The following TNS3 variants were observed in gnomAD, a reference collection of about 807,000 sequenced individuals.
The protein encoded by TNS3 is tensin-3.
TNS3 carries 45 observed loss-of-function variants against 140.9 expected under a neutral mutation model. That is an observed-to-expected ratio of 0.32 (90% CI 0.25 to 0.41). TNS3 has a LOEUF of 0.41. Among genes scored for constraint, TNS3 ranks in the 10% least tolerant of loss-of-function variants. The pLI, the probability that TNS3 is intolerant of heterozygous loss-of-function variation, is 1.00. For missense variants in TNS3, 1,716 were observed against 1,906.7 expected, an observed-to-expected ratio of 0.90 and a Z score of 1.86; for synonymous variants, 815 against 788.4, an observed-to-expected ratio of 1.03 and a Z score of -0.56.
At chr7:47,344,898 T>G (rs376912260) in intron 19 of TNS3, 26 bp downstream of exon 19, 35 of 1,613,518 alleles carry the variant, frequency 2.2e-5, no homozygotes, top group Non-Finnish European at 2.3e-5. Flanking sequence ...GAGCAGCACA[T>G]GCAGCTAGTG....
At chr7:47,380,297 T>G (rs1288960841) in intron 16 of TNS3, among the ~76,000 whole-genome samples, 1 of 152,230 alleles carries the variant, frequency 6.6e-6, no homozygotes, top group East Asian at 1.9e-4. Context: ...GGCCTCTGAC[T>G]GGGCAGCTCA....
chr7:47,479,050 G>A (rs1014255167), intron 4 of TNS3, among the ~76,000 whole-genome samples: 47 of 152,286 alleles, frequency 3.1e-4, no homozygotes, highest in African/African-American at 9.4e-4. Flanking sequence ...CAGGGAGGCC[G>A]TGTCCTGACG....
chr7:47,533,755 A>C (rs555702746), intron 1 of TNS3, among the ~76,000 whole-genome samples: 2 of 152,210 alleles, frequency 1.3e-5, no homozygotes, highest in South Asian at 4.2e-4. Context: ...ATAATGAATA[A>C]TTATCATGAG....
chr7:47,438,878 C>T (rs1438116040), intron 6 of TNS3, among the ~76,000 whole-genome samples: 1 of 152,120 alleles, frequency 6.6e-6, no homozygotes, highest in Non-Finnish European at 1.5e-5. Context: ...TCATTCAATC[C>T]CATTAGTGAC....
chr7:47,334,795 G>A (rs578043038), intron 20 of TNS3, among the ~76,000 whole-genome samples: 2 of 151,954 alleles, frequency 1.3e-5, no homozygotes, highest in Non-Finnish European at 2.9e-5. Context: ...TTTTAGTAGA[G>A]ACAGGGTTTC....
chr7:47,325,568 G>A (rs1057261041), intron 20 of TNS3, among the ~76,000 whole-genome samples: 5 of 152,176 alleles, frequency 3.3e-5, no homozygotes, highest in East Asian at 1.9e-4. Context: ...GCAATGGGAC[G>A]GAGCAAGAAG....
chr7:47,285,681 G>A (rs1384444851), intron 27 of TNS3, among the ~76,000 whole-genome samples: 1 of 152,222 alleles, frequency 6.6e-6, no homozygotes, highest in Non-Finnish European at 1.5e-5. Flanking sequence ...GATATGAAAT[G>A]CCTAGAAGTA....
At chr7:47,410,058 G>A (rs553577937) in intron 13 of TNS3, among the ~76,000 whole-genome samples, 39 of 152,260 alleles carry the variant, frequency 2.6e-4, no homozygotes, top group Non-Finnish European at 3.7e-4. Flanking sequence ...CAGGCCCTTC[G>A]TCCAACGATC....
intron 1 of TNS3, among the ~76,000 whole-genome samples, chr7:47,547,538 C>T (rs1400162531): frequency 6.6e-6 from 1 of 152,084 alleles, no homozygotes; most frequent in Non-Finnish European, 1.5e-5. Context: ...CTGTTAGTCA[C>T]CAGCACAAGG....
chr7:47,554,747 C>T (rs1263290434), intron 1 of TNS3, among the ~76,000 whole-genome samples: 1 of 152,080 alleles, frequency 6.6e-6, no homozygotes, highest in African/African-American at 2.4e-5. Flanking sequence ...AAGATGGAAT[C>T]GGGCCGAGCA....
chr7:47,295,611 C>T (rs997698417), intron 24 of TNS3, among the ~76,000 whole-genome samples: 20 of 152,190 alleles, frequency 1.3e-4, no homozygotes, highest in South Asian at 2.1e-4. Flanking sequence ...CCCTACACAA[C>T]GCCTTCTCTC....
chr7:47,506,378 C>T (rs1317539700), intron 3 of TNS3, among the ~76,000 whole-genome samples: 1 of 152,188 alleles, frequency 6.6e-6, no homozygotes, highest in African/African-American at 2.4e-5. Flanking sequence ...GCCAGGCCTC[C>T]TTTGGTCATA....
chr7:47,292,723 C>G (rs1785780250), intron 26 of TNS3, 105 bp downstream of exon 26: 1 of 1,038,964 alleles, frequency 9.6e-7, no homozygotes, highest in African/African-American at 1.6e-5. Context: ...GAAAAAACTT[C>G]CAGTCTTATT....
chr7:47,507,885 G>A (rs1279567811), intron 2 of TNS3, among the ~76,000 whole-genome samples: 1 of 152,132 alleles, frequency 6.6e-6, no homozygotes, highest in Non-Finnish European at 1.5e-5. Context: ...ACCTGGGTTG[G>A]GGAACAGTGA....
intron 4 of TNS3, among the ~76,000 whole-genome samples, chr7:47,444,237 G>C (rs1241645546): frequency 1.3e-5 from 2 of 152,204 alleles, no homozygotes; most frequent in Non-Finnish European, 2.9e-5. Flanking sequence ...GAACCCACCA[G>C]GATCTGACTA....
intron 1 of TNS3, among the ~76,000 whole-genome samples, chr7:47,553,164 G>A (rs10258660): frequency 0.99 from 150,635 of 152,362 alleles, 74,496 homozygotes; most frequent in Non-Finnish European, 1. Flanking sequence ...TAAACAAGCC[G>A]TCTCCATAAC....
intron 17 of TNS3, among the ~76,000 whole-genome samples, chr7:47,356,842 T>G (rs1790019786): frequency 6.6e-6 from 1 of 151,326 alleles, no homozygotes; most frequent in Admixed American, 6.6e-5. Flanking sequence ...TTTGAGAGAC[T>G]GAGGAGGGTG....
intron 17 of TNS3, among the ~76,000 whole-genome samples, chr7:47,348,657 TTA>T (rs1439354168): frequency 5.3e-5 from 8 of 152,236 alleles, no homozygotes; most frequent in Non-Finnish European, 1.2e-4. Flanking sequence ...TGTACAATTA[TTA>T]TGTCTCAACT....
intron 20 of TNS3, among the ~76,000 whole-genome samples, chr7:47,315,490 C>T (rs188688669): frequency 4.6e-5 from 7 of 152,322 alleles, no homozygotes; most frequent in African/African-American, 1.2e-4. Context: ...CAGAGGGTCA[C>T]GGGCCCTTTT....
Sources: gnomAD v4.1 joint callset for allele counts (sites outside exome capture counted in the v4.1 genomes callset) on GRCh38, gnomAD v4.1.1 for gene constraint, MANE v1.5 for transcripts, NCBI Gene and HGNC (gene_info 2026-07-23, HGNC 2026-07-21) for gene names.